The following PPP1R12B variants were observed in gnomAD, a reference collection of about 807,000 sequenced individuals.
PPP1R12B encodes the protein protein phosphatase 1 regulatory subunit 12B.
Under a neutral mutation model 126.1 loss-of-function variants are expected in PPP1R12B, and 76 were observed. That is an observed-to-expected ratio of 0.60 (90% confidence interval 0.50 to 0.73). The LOEUF (loss-of-function observed/expected upper bound fraction) is 0.73, where lower values mean the gene tolerates loss of function less well. Among genes scored for constraint, PPP1R12B ranks in the 30% least tolerant of loss-of-function variants. The pLI, the probability that PPP1R12B is intolerant of heterozygous loss-of-function variation, is 0.00. For missense variants in PPP1R12B, 1,052 were observed against 1,205.1 expected (o/e 0.87, Z 1.88); for synonymous variants, 356 against 434.7 (o/e 0.82, Z 2.25).
chr1:202,447,934 T>C (rs1672478427), intron 12 of PPP1R12B, among the ~76,000 whole-genome samples: 1 of 152,190 alleles, frequency 6.6e-6, no homozygotes, highest in Non-Finnish European at 1.5e-5. Flanking sequence ...TCTGGAGAAG[T>C]AGCATGTGTT....
At chr1:202,462,007 G>C (rs1213587476) in intron 13 of PPP1R12B, among the ~76,000 whole-genome samples, 1 of 152,102 alleles carries the variant, frequency 6.6e-6, no homozygotes, top group Non-Finnish European at 1.5e-5. Flanking sequence ...CCTAAGTGAG[G>C]TCAATTTCTG....
rs563843031 is a variant in PPP1R12B at position 202,588,283 on chromosome 1, G to A, written c.*7723G>A. On this transcript the variant is annotated 3_prime_UTR_variant, in exon 24 of 24. Coordinates refer to ENST00000608999, the MANE Select transcript of PPP1R12B (RefSeq NM_002481.4). ...CCAGATGTAACTGTTTTTCAGCTGA[G>A]TTGTATGGATTAACTTCAGTCCACT... 1 of 152,612 alleles carries A rather than the reference G, an allele frequency of 6.6e-6. No individual in the cohort carries two copies. The highest frequency in any genetic ancestry group is 2.1e-4 in the South Asian group (1 of 4,832). The allele number at this position is 152,612 out of a possible 1,614,324, so 9.5% of individuals were successfully genotyped here.
chr1:202,496,968 G>A (rs1679642667), intron 18 of PPP1R12B, 146 bp downstream of exon 18: 2 of 746,224 alleles, frequency 2.7e-6, no homozygotes, highest in African/African-American at 3.5e-5. Flanking sequence ...GATGGGGCAG[G>A]TGTTAGTTTG....
intron 18 of PPP1R12B, among the ~76,000 whole-genome samples, chr1:202,531,915 A>G (rs1683991719): frequency 1.3e-5 from 2 of 152,356 alleles, no homozygotes; most frequent in East Asian, 1.9e-4. Context: ...CACGCAAGAA[A>G]GAATTCAGGG....
rs1315195221 is a variant in PPP1R12B at position 202,449,174 on chromosome 1, A to G, written c.1850+3A>G. The G allele has an allele frequency of 1.3e-6, 2 of 1,589,060 alleles. No individual in the cohort carries two copies. Among genetic ancestry groups the G allele is most frequent in the African/African-American group, 1.3e-5 (1 of 74,506 alleles). ...GTGGAAGCCAGGGAGAAGAGGAGGT[A>G]TGTTGAGTTACTGATTTCATTTGTG... On this transcript the variant is annotated splice_donor_region_variant and intron_variant, in intron 13 of 23. Coordinates refer to ENST00000608999, the MANE Select transcript of PPP1R12B (RefSeq NM_002481.4).
At chr1:202,530,129 G>A (rs1683778440) in intron 18 of PPP1R12B, among the ~76,000 whole-genome samples, 1 of 152,064 alleles carries the variant, frequency 6.6e-6, no homozygotes, top group African/African-American at 2.4e-5. Flanking sequence ...CTTCTGATCA[G>A]TTCAAGCATT....
At chr1:202,558,737 C>CATG (rs1251835341) in intron 18 of PPP1R12B, 140 bp from the exon 19 acceptor site, 1 of 570,190 alleles carries the variant, frequency 1.8e-6, no homozygotes, top group Non-Finnish European at 3.1e-6. Context: ...TAAATGGCAC[C>CATG]CCCATCTCCA....
At position 202,421,474 on chromosome 1, in the gene PPP1R12B, T is replaced by TA. The variant is rs1427163104; in HGVS notation, c.423-1139dup. On this transcript the variant is annotated intron_variant, in intron 2 of 23. Transcript: ENST00000608999. ...CAACATGGCAACACACCATCTCTAC[T>TA]AAAAAAATACAAAAAATTAGCTGGG... is the stretch of plus-strand genomic sequence containing the variant. 5.3e-5 allele frequency among the ~76,000 whole-genome samples: 8 copies of TA among 151,412 alleles called. No homozygotes were observed. In the East Asian group the frequency reaches 1.6e-3, roughly 30 times the overall value.
chr1:202,553,505 G>C (rs1226578143), intron 18 of PPP1R12B, among the ~76,000 whole-genome samples: 1 of 152,174 alleles, frequency 6.6e-6, no homozygotes, highest in Admixed American at 6.5e-5. Flanking sequence ...TTGGAGAAAA[G>C]ATTCATGCCT....
chr1:202,549,347 C>T (rs1285027616), intron 18 of PPP1R12B, among the ~76,000 whole-genome samples: 1 of 152,070 alleles, frequency 6.6e-6, no homozygotes, highest in African/African-American at 2.4e-5. Context: ...TGGTCTCTCC[C>T]TTTCCTAACT....
chr1:202,501,349 C>T lies in PPP1R12B; in HGVS notation c.2490+4527C>T, dbSNP rs1025458685. Among the ~76,000 whole-genome samples the T allele has an allele frequency of 2.1e-4, 32 of 152,112 alleles. 1 individual carries two copies. The highest frequency in any genetic ancestry group is 1.2e-3 in the Admixed American group (19 of 15,264). On this transcript the variant is annotated intron_variant, in intron 18 of 23. Transcript: ENST00000608999. ...ATTTGGATATTTCTATCTTTTTTTA[C>T]CTGCATCTTTGGCCTGGATTCCATT...
chr1:202,480,008 A>G (rs1017852736), intron 13 of PPP1R12B, among the ~76,000 whole-genome samples: 1 of 152,228 alleles, frequency 6.6e-6, no homozygotes, highest in African/African-American at 2.4e-5. Context: ...TGTTATTTTA[A>G]AAATTAGCAT....
At chr1:202,531,086 G>T (rs1047129994) in intron 18 of PPP1R12B, among the ~76,000 whole-genome samples, 1 of 152,164 alleles carries the variant, frequency 6.6e-6, no homozygotes, top group African/African-American at 2.4e-5. Context: ...TTTTCACATC[G>T]CATAAATTAA....
At chr1:202,469,531 T>C (rs1675552395) in intron 13 of PPP1R12B, among the ~76,000 whole-genome samples, 1 of 152,166 alleles carries the variant, frequency 6.6e-6, no homozygotes, top group Non-Finnish European at 1.5e-5. Flanking sequence ...CCAAGTAGCA[T>C]GAGTGAGTTT....
chr1:202,355,204 C>T (rs571765593), intron 1 of PPP1R12B, among the ~76,000 whole-genome samples: 127 of 152,254 alleles, frequency 8.3e-4, no homozygotes, highest in South Asian at 1.5e-3. Context: ...CATGCCTGGC[C>T]GTGTTCCACT....
intron 23 of PPP1R12B, among the ~76,000 whole-genome samples, chr1:202,570,654 C>A (rs1195282221): frequency 6.6e-6 from 1 of 152,180 alleles, no homozygotes; most frequent in African/African-American, 2.4e-5. Context: ...CAGAAGTATT[C>A]TCTCCCGCTT....
At chr1:202,486,360 A>G (rs1052668557) in intron 13 of PPP1R12B, among the ~76,000 whole-genome samples, 1 of 152,212 alleles carries the variant, frequency 6.6e-6, no homozygotes, top group African/African-American at 2.4e-5. Flanking sequence ...AGATATTAAA[A>G]TAACAAATAT....
chr1:202,468,134 A>T (rs1675306537), intron 13 of PPP1R12B, among the ~76,000 whole-genome samples: 1 of 152,232 alleles, frequency 6.6e-6, no homozygotes, highest in South Asian at 2.1e-4. Flanking sequence ...GCCCTTTGTC[A>T]GATGAGTAGG....
At position 202,579,932 on chromosome 1, in the gene PPP1R12B, A is replaced by G. The variant is rs190820329; in HGVS notation, c.2863-542A>G. 2.6e-5 allele frequency among the ~76,000 whole-genome samples: 4 copies of G among 152,352 alleles called. No individual in the cohort carries two copies. The East Asian group carries it at 7.7e-4, about 29-fold the overall frequency. On this transcript the variant is annotated intron_variant, in intron 23 of 23. Coordinates refer to ENST00000608999, the MANE Select transcript of PPP1R12B (RefSeq NM_002481.4). ...ATTTGGAGGATTATTCACCGAAGGC[A>G]CCAAGTGGAGGATGCTTAAATCATC...
Sources: allele counts gnomAD v4.1 joint callset (sites outside exome capture counted in the v4.1 genomes callset), GRCh38; gene constraint gnomAD v4.1.1; transcripts MANE v1.5; gene names NCBI Gene and HGNC (gene_info 2026-07-23, HGNC 2026-07-21).